ADGRG4: variants seen among roughly 807,000 people sequenced by gnomAD.
ADGRG4 encodes G protein-coupled receptor 112.
A neutral mutation model predicts 126.2 loss-of-function variants in ADGRG4; 122 were observed. That is an observed-to-expected ratio of 0.97 (90% CI 0.83 to 1.12). The LOEUF (loss-of-function observed/expected upper bound fraction) is 1.12. Ranked by LOEUF, ADGRG4 falls within the 50% of genes most tolerant of loss-of-function variation. The pLI is 0.00. For synonymous variants in ADGRG4, 943 were observed against 838.7 expected, an observed-to-expected ratio of 1.12 and a Z score of -2.15; for missense variants, 2,481 against 2,251.8, an observed-to-expected ratio of 1.10 and a Z score of -2.06.
At chrX:136,384,451 TA>T (rs746014412) in intron 15 of ADGRG4, among the ~76,000 whole-genome samples, 1 of 111,711 alleles carries the variant, frequency 9.0e-6, no homozygotes, top group Admixed American at 9.5e-5. Context: ...CTATGTTACT[TA>T]AAAAATTGAG....
At chrX:136,341,158 C>G (rs750987302) in intron 5 of ADGRG4, among the ~76,000 whole-genome samples, 40 of 112,099 alleles carry the variant, frequency 3.6e-4, no homozygotes, top group Middle Eastern at 4.6e-3. Context: ...ACATCTATGG[C>G]TCAGCCCTCT....
chrX:136,384,084 T>C lies in ADGRG4; in HGVS notation c.7777-3656T>C, dbSNP rs777845665. On this transcript the variant is annotated intron_variant, in intron 15 of 25. Transcript: ENST00000394143. ...TTGTTTTTTTATTTATTTATTTTTT[T>C]ATTTTTAGTAGAGACAGGGTTTCAC... Among the ~76,000 whole-genome samples, 3 of 109,455 alleles carry C rather than the reference T, an allele frequency of 2.7e-5. No individual in the cohort carries two copies. The South Asian group carries it at 1.2e-3, about 44-fold the overall frequency.
chrX:136,398,046 G>A (rs1156885491), intron 20 of ADGRG4, 44 bp downstream of exon 20: 2 of 1,140,473 alleles, frequency 1.8e-6, no homozygotes, highest in African/African-American at 3.6e-5. Context: ...AATTTGGTTT[G>A]ATGGATGCTA....
chrX:136,382,910 C>T (rs1007077390), intron 15 of ADGRG4, among the ~76,000 whole-genome samples: 1 of 110,679 alleles, frequency 9.0e-6, no homozygotes, highest in African/African-American at 3.3e-5. Flanking sequence ...TCTAGGCCAG[C>T]AGAATGTAAT....
intron 5 of ADGRG4, among the ~76,000 whole-genome samples, chrX:136,327,574 T>C (rs1253681556): frequency 9.1e-6 from 1 of 109,980 alleles, no homozygotes; most frequent in Non-Finnish European, 1.9e-5. Context: ...TTTAGATCTG[T>C]TTTTAGGGCT....
At chrX:136,412,178 C>T (rs1260880101) in intron 23 of ADGRG4, 87 bp from the exon 24 acceptor site, 1 of 611,248 alleles carries the variant, frequency 1.6e-6, no homozygotes, top group Non-Finnish European at 2.8e-6. Context: ...AGTAGTATCT[C>T]TCATGACAGA....
chrX:136,344,606 A>G lies in ADGRG4; in HGVS notation c.900A>G (p.Gln300=). 5 of 1,208,873 alleles carry G rather than the reference A, an allele frequency of 4.1e-6. No homozygotes were observed. The highest frequency in any genetic ancestry group is 5.6e-6 in the Non-Finnish European group (5 of 893,386). ...TSPPLETMTA[Q]KILKTLVDET... ...CACCTCTGGAAACAATGACTGCACA[A>G]AAAATCTTAAAGACACTGGTAGATG... is the stretch of plus-strand genomic sequence containing the variant. Residue 300 remains glutamine (Q), a synonymous_variant, in exon 6 of 26, where the codon CAA becomes CAG. Coordinates refer to ENST00000394143, the MANE Select transcript of ADGRG4 (RefSeq NM_153834.4).
chrX:136,325,159 A>G (rs1469926544), intron 5 of ADGRG4, among the ~76,000 whole-genome samples: 1 of 111,728 alleles, frequency 9.0e-6, no homozygotes, highest in African/African-American at 3.3e-5. Context: ...TTCTTGAAGG[A>G]GTATTATTGA....
rs148803155 is a variant in ADGRG4 at position 136,333,397 on chromosome X, C to T, written c.685+10005C>T. ...TCGGCCTCACAAAGTGCTGGGATTA[C>T]AGGCATGAGCCACCGCACCCAGCCC... On this transcript the variant is annotated intron_variant, in intron 5 of 25. Coordinates refer to ENST00000394143, the MANE Select transcript of ADGRG4 (RefSeq NM_153834.4). Among the ~76,000 whole-genome samples the T allele has an allele frequency of 7.6e-3, 831 of 109,017 alleles. 6 individuals are homozygous for T. Among genetic ancestry groups the T allele is most frequent in the African/African-American group, 0.026 (770 of 29,762 alleles). 94.7% of individuals were successfully genotyped at this position (109,017 alleles called of 115,157 possible).
At chrX:136,316,693 C>T (rs2074807015) in intron 4 of ADGRG4, among the ~76,000 whole-genome samples, 1 of 111,769 alleles carries the variant, frequency 8.9e-6, no homozygotes, top group African/African-American at 3.3e-5. Context: ...GTCTCAAACT[C>T]CTGACCTCAG....
At chrX:136,359,691 G>A (rs1364184180) in intron 11 of ADGRG4, among the ~76,000 whole-genome samples, 14 of 110,995 alleles carry the variant, frequency 1.3e-4, no homozygotes, top group Non-Finnish European at 2.6e-4. Flanking sequence ...CTGGATATTA[G>A]CAATGGCCAA....
At chrX:136,391,084 G>A (rs1478048398) in intron 16 of ADGRG4, among the ~76,000 whole-genome samples, 1 of 111,281 alleles carries the variant, frequency 9.0e-6, no homozygotes. Context: ...TCCTAGTGGA[G>A]CCCCAGGCTG....
intron 23 of ADGRG4, among the ~76,000 whole-genome samples, chrX:136,409,710 T>C (rs2075436123): frequency 8.9e-6 from 1 of 111,804 alleles, no homozygotes; most frequent in African/African-American, 3.3e-5. Context: ...GGAATCCGAG[T>C]CTCAGGGCTG....
Position 136,346,658 on chromosome X carries a change from C to G in ADGRG4, c.2952C>G (p.Asp984Glu). 8.3e-7 allele frequency: 1 copy of G among 1,210,885 alleles called. No individual in the cohort carries two copies. Among genetic ancestry groups the G allele is most frequent in the Non-Finnish European group, 1.1e-6 (1 of 894,831 alleles). The change falls in exon 6 of 26, where the codon GAC (aspartate) becomes GAG (glutamate). Residue 984 changes from aspartate to glutamate, a missense_variant. By Grantham distance (45) the Asp-to-Glu change is conservative (BLOSUM62 2). Coordinates refer to ENST00000394143, the MANE Select transcript of ADGRG4 (RefSeq NM_153834.4). ...CCAGTTTCTCCACTACCCCTACAGACAGGACAGCTACGTCCTTGTCTGATG... is the reference window on the plus strand; with the variant it reads ...CCAGTTTCTCCACTACCCCTACAGAGAGGACAGCTACGTCCTTGTCTGATG... Reference protein sequence around the residue: ...SETSFSTTPTDRTATSLSDGI... With the variant: ...SETSFSTTPTERTATSLSDGI...
chrX:136,416,664 T>TA lies in ADGRG4; in HGVS notation c.*173_*174insA, dbSNP rs2075477228. 6.2e-6 allele frequency: 2 copies of TA among 320,352 alleles called. No homozygotes were observed. The highest frequency in any genetic ancestry group is 1.6e-4 in the South Asian group (1 of 6,382). 26.4% of individuals were successfully genotyped at this position (320,352 alleles called of 1,213,427 possible). A position where few individuals can be genotyped will look rare whatever the true frequency, so the allele number is the denominator to read the frequency against. On this transcript the variant is annotated 3_prime_UTR_variant, in exon 26 of 26. Transcript: ENST00000394143. ...CTGTTCCACCAAAACCTATGGAAAT[T>TA]TAAAAAAAACAAAAATAAAAAGCAA...
In ADGRG4 at chrX:136,344,641, C is replaced by T. The variant is rs1436917601; in HGVS notation, c.935C>T (p.Thr312Ile). 1.7e-6 allele frequency: 2 copies of T among 1,208,900 alleles called. No individual in the cohort carries two copies. The highest frequency in any genetic ancestry group is 2.2e-6 in the Non-Finnish European group (2 of 894,185). Reference sequence around the variant, plus strand: ...AAGACACTGGTAGATGAGACAGCTACATTTGCAGTGGATGTTTTATCAACT... The same window carrying T: ...AAGACACTGGTAGATGAGACAGCTATATTTGCAGTGGATGTTTTATCAACT... The part of the protein sequence containing the change: ...ILKTLVDETA[T>I]FAVDVLSTSS... Residue 312 changes from threonine (T) to isoleucine (I), a missense_variant, in exon 6 of 26, where the codon ACA (threonine) becomes ATA (isoleucine). Coordinates refer to ENST00000394143, the MANE Select transcript of ADGRG4 (RefSeq NM_153834.4).
chrX:136,403,113 A>AAT (rs2075387861), intron 21 of ADGRG4, 131 bp from the exon 22 acceptor site: 1 of 472,520 alleles, frequency 2.1e-6, no homozygotes, highest in Admixed American at 3.3e-5. Context: ...TTTTGCAAAC[A>AAT]ATAGTATTTT....
At chrX:136,320,617 A>C (rs1402153517) in intron 4 of ADGRG4, among the ~76,000 whole-genome samples, 1 of 112,068 alleles carries the variant, frequency 8.9e-6, no homozygotes, top group African/African-American at 3.2e-5. Flanking sequence ...ACTGGTTTTA[A>C]ATTAGTATAC....
intron 15 of ADGRG4, among the ~76,000 whole-genome samples, chrX:136,386,919 T>C (rs2075294848): frequency 8.9e-6 from 1 of 112,410 alleles, no homozygotes; most frequent in East Asian, 2.8e-4. Context: ...TAATTTCTGA[T>C]GAACAGAAAT....
Sources: gnomAD v4.1 joint callset for allele counts (sites outside exome capture counted in the v4.1 genomes callset) on GRCh38, gnomAD v4.1.1 for gene constraint, MANE v1.5 for transcripts, NCBI Gene and HGNC (gene_info 2026-07-23, HGNC 2026-07-21) for gene names.